ALS2: variants seen among roughly 807,000 people sequenced by gnomAD.
ALS2 encodes the protein alsin Rho guanine nucleotide exchange factor ALS2, also known as alsin.
A neutral mutation model predicts 203.4 loss-of-function variants in ALS2; 117 were observed. The ratio of observed to expected loss-of-function variants is 0.58; its 90% CI spans 0.50 to 0.67. ALS2 has a LOEUF of 0.67. ALS2 is among the 30% of genes least tolerant of loss of function. The pLI is 0.00. For synonymous variants in ALS2, 718 were observed against 725.9 expected (o/e 0.99, Z 0.17); for missense variants, 1,715 against 1,989.4 (o/e 0.86, Z 2.62).
intron 14 of ALS2, 76 bp downstream of exon 14, chr2:201,728,976 C>G (rs1216704964): frequency 1.2e-6 from 2 of 1,607,486 alleles, no homozygotes; most frequent in Admixed American, 1.7e-5. Context: ...AAGTGAGGAA[C>G]AGAGAAAATT....
At chr2:201,766,619 A>C (rs2106100611) in intron 3 of ALS2, among the ~76,000 whole-genome samples, 1 of 151,666 alleles carries the variant, frequency 6.6e-6, no homozygotes, top group East Asian at 1.9e-4. Context: ...ATTGCATTCC[A>C]GCCTGGGCGA....
intron 5 of ALS2, 147 bp downstream of exon 5, chr2:201,757,251 ACTTT>A (rs1693455816): frequency 1.4e-6 from 1 of 716,322 alleles, no homozygotes; most frequent in Non-Finnish European, 2.4e-6. Context: ...TAAACATGTA[ACTTT>A]CTTTTAAAAC....
Position 201,768,158 on chromosome 2 carries a change from A to G in ALS2, c.20+708T>C, listed in dbSNP as rs143742271. Reference sequence around the variant, plus strand: ...ACTTTATGTTGAGTTTAAGTGTAGAACTGCTATTTAAATTTTTAGGAATCA... The same window carrying G: ...ACTTTATGTTGAGTTTAAGTGTAGAGCTGCTATTTAAATTTTTAGGAATCA... On this transcript the variant is annotated intron_variant, in intron 2 of 33. Transcript: ENST00000264276. Among the ~76,000 whole-genome samples the G allele has an allele frequency of 7.5e-3, 1,135 of 152,242 alleles. 14 individuals are homozygous for G. The highest frequency in any genetic ancestry group is 0.027 in the African/African-American group (1,102 of 41,526).
intron 5 of ALS2, among the ~76,000 whole-genome samples, chr2:201,755,850 A>G (rs1650337136): frequency 6.6e-6 from 1 of 152,194 alleles, no homozygotes; most frequent in Non-Finnish European, 1.5e-5. Flanking sequence ...CCAGGATAAG[A>G]TTTGAAGAAA....
intron 17 of ALS2, 62 bp from the exon 18 acceptor site, chr2:201,726,928 T>G: frequency 2.8e-6 from 4 of 1,418,716 alleles, no homozygotes; most frequent in Non-Finnish European, 3.9e-6. Flanking sequence ...TTGCTTTAAA[T>G]CCTGCTAGTT....
chr2:201,716,687 C>T (rs76163254), intron 24 of ALS2: 13,752 of 148,418 alleles, frequency 0.093, 743 homozygotes, highest in African/African-American at 0.14. Flanking sequence ...TGCAGTCCAG[C>T]CTGGGTGACA....
At position 201,703,116 on chromosome 2, in the gene ALS2, A is replaced by C. The variant is rs545691719; in HGVS notation, c.4935+1006T>G. ...GGGCGACAGAGTGAGACTCTGTCTCAAAAAAAAGAAGCATTAATGGTATTT... is the reference window on the plus strand; with the variant it reads ...GGGCGACAGAGTGAGACTCTGTCTCCAAAAAAAGAAGCATTAATGGTATTT... On this transcript the variant is annotated intron_variant, in intron 33 of 33. Transcript: ENST00000264276. 5.3e-5 allele frequency among the ~76,000 whole-genome samples: 8 copies of C among 152,098 alleles called. No individual in the cohort carries two copies. In the East Asian group the frequency reaches 1.5e-3, roughly 29 times the overall value.
intron 1 of ALS2, chr2:201,780,184 G>C (rs1694833082): frequency 6.6e-6 from 1 of 152,134 alleles, no homozygotes; most frequent in Non-Finnish European, 1.5e-5. Flanking sequence ...GATTCTACCA[G>C]TCTACTGTTG....
At chr2:201,780,702 C>T (rs1481014364) in intron 1 of ALS2, among the ~76,000 whole-genome samples, 175 bp downstream of exon 1, 1 of 152,236 alleles carries the variant, frequency 6.6e-6, no homozygotes, top group Non-Finnish European at 1.5e-5. Flanking sequence ...AGCAGTCGAT[C>T]GCACCCAGAG....
chr2:201,756,607 T>C (rs1000566266), intron 5 of ALS2, among the ~76,000 whole-genome samples: 7 of 152,374 alleles, frequency 4.6e-5, no homozygotes, highest in African/African-American at 1.7e-4. Flanking sequence ...ATTCATTACA[T>C]ATTGTCTCTG....
chr2:201,759,653 C>T, intron 4 of ALS2: 1 of 984,930 alleles, frequency 1.0e-6, no homozygotes, highest in Non-Finnish European at 1.2e-6. Flanking sequence ...ACAGCTTATC[C>T]TTGATTTTTT....
chr2:201,758,893 C>G (rs146675192), intron 4 of ALS2, among the ~76,000 whole-genome samples: 2 of 151,976 alleles, frequency 1.3e-5, no homozygotes, highest in East Asian at 3.8e-4. Context: ...TTGAATTAAA[C>G]GCTAAATTCA....
intron 29 of ALS2, 117 bp from the exon 30 acceptor site, chr2:201,705,578 C>T (rs577294629): frequency 4.7e-4 from 351 of 740,678 alleles, no homozygotes; most frequent in Admixed American, 7.2e-4. Flanking sequence ...AACTGCTCCA[C>T]AATAGGTTAA....
At chr2:201,713,548 C>T (rs1690177203) in intron 25 of ALS2, among the ~76,000 whole-genome samples, 1 of 152,162 alleles carries the variant, frequency 6.6e-6, no homozygotes, top group African/African-American at 2.4e-5. Context: ...ATAATCCATA[C>T]TGATCTATCT....
intron 4 of ALS2, chr2:201,759,702 G>A: frequency 7.1e-6 from 7 of 983,634 alleles, no homozygotes; most frequent in Non-Finnish European, 8.5e-6. Flanking sequence ...TGAATAGATT[G>A]TGAAATAAAG....
At chr2:201,753,530 A>T (rs1253763684) in intron 6 of ALS2, among the ~76,000 whole-genome samples, 1 of 152,184 alleles carries the variant, frequency 6.6e-6, no homozygotes, top group Non-Finnish European at 1.5e-5. Flanking sequence ...AGGATACAGT[A>T]AAAAATAACC....
intron 7 of ALS2, among the ~76,000 whole-genome samples, chr2:201,750,575 C>T (rs940735386): frequency 9.3e-5 from 12 of 129,488 alleles, no homozygotes; most frequent in Admixed American, 6.3e-4. Flanking sequence ...AGTACCTACA[C>T]GACACTACAG....
intron 14 of ALS2, 85 bp downstream of exon 14, chr2:201,728,967 A>G: frequency 6.2e-7 from 1 of 1,603,014 alleles, no homozygotes. Context: ...ACCACAAACA[A>G]GTGAGGAACA....
chr2:201,777,364 G>A (rs539884648), intron 1 of ALS2, among the ~76,000 whole-genome samples: 34 of 152,112 alleles, frequency 2.2e-4, no homozygotes, highest in African/African-American at 8.2e-4. Context: ...GAGCTGCACT[G>A]GCACATTCCT....
Sources: gnomAD v4.1 joint callset for allele counts (sites outside exome capture counted in the v4.1 genomes callset) on GRCh38, gnomAD v4.1.1 for gene constraint, MANE v1.5 for transcripts, NCBI Gene and HGNC (gene_info 2026-07-23, HGNC 2026-07-21) for gene names.